The following SYTL5 variants were observed in gnomAD, a reference collection of about 807,000 sequenced individuals.
The protein encoded by SYTL5 is synaptotagmin-like protein 5.
Under a neutral mutation model 55.9 loss-of-function variants are expected in SYTL5, and 34 were observed. That is an observed-to-expected ratio of 0.61 (90% CI 0.46 to 0.81). The LOEUF is 0.81. Ranked by LOEUF, SYTL5 falls within the 30% of genes least tolerant of loss-of-function variation. The pLI is 0.00. For synonymous variants in SYTL5, 221 were observed against 188.7 expected, an observed-to-expected ratio of 1.17 and a Z score of -1.40; for missense variants, 637 against 546.7, an observed-to-expected ratio of 1.17 and a Z score of -1.65.
intron 6 of SYTL5, among the ~76,000 whole-genome samples, chrX:38,087,886 TG>T (rs1936694568): frequency 8.9e-6 from 1 of 111,776 alleles, no homozygotes; most frequent in Admixed American, 9.5e-5. Context: ...GATAGCATAG[TG>T]GTATGTCGGT....
At chrX:38,124,148 G>A (rs1453333633) in intron 15 of SYTL5, among the ~76,000 whole-genome samples, 1 of 111,291 alleles carries the variant, frequency 9.0e-6, no homozygotes, top group Non-Finnish European at 1.9e-5. Context: ...AATTCCAGCT[G>A]ACAGGACACT....
chrX:38,090,330 T>C (rs1373864588), intron 7 of SYTL5, among the ~76,000 whole-genome samples: 1 of 111,950 alleles, frequency 8.9e-6, no homozygotes, highest in African/African-American at 3.2e-5. Context: ...TCTATACATC[T>C]GTTAACATAG....
chrX:37,962,431 C>T, the SYTL5 span, among the ~76,000 whole-genome samples: 4 of 111,888 alleles, frequency 3.6e-5, no homozygotes, highest in Non-Finnish European at 5.6e-5. Context: ...GCATAGTATT[C>T]CATGGTGTAT....
intron 9 of SYTL5, among the ~76,000 whole-genome samples, chrX:38,100,994 T>A (rs758291145): frequency 9.0e-6 from 1 of 111,313 alleles, no homozygotes; most frequent in South Asian, 3.7e-4. Context: ...CAATGGAATA[T>A]TAAATGACAA....
At chrX:37,960,755 C>T in the SYTL5 span, among the ~76,000 whole-genome samples, 3 of 102,123 alleles carry the variant, frequency 2.9e-5, no homozygotes, top group Non-Finnish European at 4.0e-5. Context: ...TAGTCTGTTC[C>T]TCCAGATTAT....
At chrX:37,932,363 C>A in the SYTL5 span, among the ~76,000 whole-genome samples, 1 of 111,569 alleles carries the variant, frequency 9.0e-6, no homozygotes, top group East Asian at 2.8e-4. Context: ...GATGGGTAAA[C>A]CTTTTCATGT....
intron 13 of SYTL5, among the ~76,000 whole-genome samples, chrX:38,117,386 GT>G (rs753835290): frequency 8.9e-6 from 1 of 111,789 alleles, no homozygotes; most frequent in Non-Finnish European, 1.9e-5. Flanking sequence ...AATAATGCAT[GT>G]TTTTGATCTC....
the SYTL5 span, among the ~76,000 whole-genome samples, chrX:37,931,690 G>C: frequency 8.9e-6 from 1 of 111,886 alleles, no homozygotes; most frequent in East Asian, 2.8e-4. Flanking sequence ...AAAATTTGCT[G>C]AATGACTGAA....
chrX:37,936,331 C>T, the SYTL5 span, among the ~76,000 whole-genome samples: 2 of 112,057 alleles, frequency 1.8e-5, no homozygotes. Context: ...TTAGTATTCA[C>T]ATTATCTTGT....
intron 10 of SYTL5, chrX:38,103,160 T>G: frequency 1.3e-6 from 1 of 777,262 alleles, no homozygotes; most frequent in Non-Finnish European, 1.9e-6. Context: ...CTGGGAACTA[T>G]GATTAAGCAA....
At chrX:37,895,473 C>CCTCCCTCCCTCCCT in the SYTL5 span, among the ~76,000 whole-genome samples, 4 of 91,923 alleles carry the variant, frequency 4.4e-5, no homozygotes, top group African/African-American at 1.9e-4. Context: ...TCCCTCCCTC[C>CCTCCCTCCCTCCCT]CTCTCTCTCT....
upstream of SYTL5, among the ~76,000 whole-genome samples, chrX:38,003,103 A>G (rs1933898629): frequency 1.8e-5 from 2 of 111,829 alleles, no homozygotes; most frequent in African/African-American, 6.5e-5. Context: ...CAGTTTTCCC[A>G]GCACCATTTA....
chrX:38,112,134 C>T (rs1157958574), intron 13 of SYTL5, among the ~76,000 whole-genome samples: 1 of 111,426 alleles, frequency 9.0e-6, no homozygotes, highest in Non-Finnish European at 1.9e-5. Flanking sequence ...TGCCAGATAC[C>T]CTTAGGTTCC....
chrX:38,096,201 A>G lies in SYTL5; in HGVS notation c.1029A>G (p.Ile343Met). Residue 343 changes from isoleucine to methionine, a missense_variant, in exon 9 of 17, where the codon ATA becomes ATG. Coordinates refer to ENST00000297875, the MANE Select transcript of SYTL5 (RefSeq NM_138780.3). ...FTEDSEDTVS[I>M]RSKSVPGALD... ...AAGACTCAGAGGATACTGTAAGCAT[A>G]AGAAGCAAGTCTGTCCCTGGGGCTT... 1 of 1,193,259 alleles carries G rather than the reference A, an allele frequency of 8.4e-7. No homozygotes were observed. The highest frequency in any genetic ancestry group is 1.1e-6 in the Non-Finnish European group (1 of 880,784).
At position 38,025,501 on chromosome X, in the gene SYTL5, T is replaced by C. The variant is rs1230443269; in HGVS notation, c.-356-8033T>C. The stretch of plus-strand genomic sequence containing the variant: ...GAAGTTAATGACTTGTCCAAAGTTA[T>C]CTATGCTGAAAGGCAATAGAATGAC... On this transcript the variant is annotated intron_variant, in intron 1 of 16. Coordinates refer to ENST00000297875, the MANE Select transcript of SYTL5 (RefSeq NM_138780.3). Among the ~76,000 whole-genome samples, 5 of 112,049 alleles carry C rather than the reference T, an allele frequency of 4.5e-5. No homozygotes were observed. The Admixed American group carries it at 4.8e-4, about 11-fold the overall frequency.
chrX:37,963,606 C>T, the SYTL5 span, among the ~76,000 whole-genome samples: 3,770 of 111,983 alleles, frequency 0.034, 64 homozygotes, highest in African/African-American at 0.068. Context: ...TATTTTTAAA[C>T]TTTACTAATT....
chrX:37,945,847 A>C, the SYTL5 span: 1 of 154,824 alleles, frequency 6.5e-6, no homozygotes, highest in Admixed American at 6.1e-5. Context: ...CCTTATGACT[A>C]TCCAGAATTA....
At chrX:37,909,564 C>T in the SYTL5 span, among the ~76,000 whole-genome samples, 3 of 111,093 alleles carry the variant, frequency 2.7e-5, no homozygotes, top group Admixed American at 2.9e-4. Context: ...TCCAGTGTGG[C>T]CCAGGTAATC....
intron 3 of SYTL5, among the ~76,000 whole-genome samples, chrX:38,069,573 A>C (rs1005088528): frequency 2.7e-5 from 3 of 111,961 alleles, no homozygotes; most frequent in Non-Finnish European, 5.6e-5. Context: ...TCAGCACATA[A>C]AATCTTTCTC....
Sources: gnomAD v4.1 joint callset for allele counts (sites outside exome capture counted in the v4.1 genomes callset) on GRCh38, gnomAD v4.1.1 for gene constraint, MANE v1.5 for transcripts, NCBI Gene and HGNC (gene_info 2026-07-23, HGNC 2026-07-21) for gene names.